CADPS2: variants seen among roughly 807,000 people sequenced by gnomAD.
The protein encoded by CADPS2 is calcium dependent secretion activator 2.
Under a neutral mutation model 172.5 loss-of-function variants are expected in CADPS2, and 93 were observed. The observed-to-expected ratio is 0.54, with a 90% CI of 0.46 to 0.64. The LOEUF (loss-of-function observed/expected upper bound fraction) is 0.64, where lower values mean the gene tolerates loss of function less well. Among genes scored for constraint, CADPS2 ranks in the 30% least tolerant of loss-of-function variants. The probability of loss-of-function intolerance (pLI) is 0.00; values close to 1 mark genes in which losing one functional copy is unlikely to be tolerated. For synonymous variants in CADPS2, 546 were observed against 555.2 expected (o/e 0.98, Z 0.23); for missense variants, 1,420 against 1,565.9 (o/e 0.91, Z 1.57).
At chr7:122,574,650 A>C (rs1210020734) in intron 7 of CADPS2, among the ~76,000 whole-genome samples, 3 of 151,790 alleles carry the variant, frequency 2.0e-5, no homozygotes, top group Non-Finnish European at 4.4e-5. Context: ...AAGAAAAAAA[A>C]AACATATTGG....
intron 5 of CADPS2, among the ~76,000 whole-genome samples, chr7:122,620,613 A>G (rs1219045724): frequency 1.3e-5 from 2 of 152,192 alleles, no homozygotes; most frequent in Non-Finnish European, 2.9e-5. Context: ...GGAGAACACA[A>G]TTTTAAATGT....
In CADPS2 at chr7:122,834,033, G is replaced by A. The variant is rs935602210; in HGVS notation, c.339+51966C>T. Among the ~76,000 whole-genome samples, 11 of 152,190 alleles carry A rather than the reference G, an allele frequency of 7.2e-5. No homozygotes were observed. In the East Asian group the frequency reaches 1.9e-3, roughly 27 times the overall value. ...CTGCAGCCTGGGTGGAAAAAAAGAC[G>A]GACATACAGAAACCAGAGAACAACT... On this transcript the variant is annotated intron_variant, in intron 1 of 29. Transcript: ENST00000449022.
At chr7:122,872,968 A>G (rs1239842903) in intron 1 of CADPS2, among the ~76,000 whole-genome samples, 1 of 152,112 alleles carries the variant, frequency 6.6e-6, no homozygotes, top group Non-Finnish European at 1.5e-5. Flanking sequence ...TAGTAAGCAC[A>G]AACATAAGGA....
intron 2 of CADPS2, among the ~76,000 whole-genome samples, chr7:122,700,907 C>T (rs2085949407): frequency 6.6e-6 from 1 of 152,036 alleles, no homozygotes; most frequent in East Asian, 1.9e-4. Context: ...CTTACATATC[C>T]AAAGTACTAT....
intron 2 of CADPS2, among the ~76,000 whole-genome samples, chr7:122,692,230 C>T (rs1010669944): frequency 6.6e-6 from 1 of 152,096 alleles, no homozygotes; most frequent in Non-Finnish European, 1.5e-5. Flanking sequence ...CGCAACATAG[C>T]GGGGGTGCAG....
chr7:122,386,533 A>G (rs938658014), intron 24 of CADPS2, among the ~76,000 whole-genome samples: 49 of 152,058 alleles, frequency 3.2e-4, no homozygotes, highest in African/African-American at 1.1e-3. Context: ...CAAACAAAAT[A>G]TAAATAAAAT....
intron 17 of CADPS2, among the ~76,000 whole-genome samples, chr7:122,425,182 T>C (rs2048999010): frequency 6.6e-6 from 1 of 151,990 alleles, no homozygotes; most frequent in South Asian, 2.1e-4. Flanking sequence ...GGTCTCACTA[T>C]GTTGCTCAGG....
chr7:122,819,414 G>A (rs1172926596), intron 1 of CADPS2, among the ~76,000 whole-genome samples: 1 of 152,078 alleles, frequency 6.6e-6, no homozygotes, highest in African/African-American at 2.4e-5. Flanking sequence ...CGATCGCCTT[G>A]GAAGCCCCCT....
At chr7:122,692,205 T>C (rs1053314973) in intron 2 of CADPS2, among the ~76,000 whole-genome samples, 1 of 152,120 alleles carries the variant, frequency 6.6e-6, no homozygotes, top group Non-Finnish European at 1.5e-5. Context: ...CTGCCGACAT[T>C]ACTTGCTTGA....
At chr7:122,594,542 T>C (rs2071435880) in intron 6 of CADPS2, among the ~76,000 whole-genome samples, 1 of 152,006 alleles carries the variant, frequency 6.6e-6, no homozygotes, top group Admixed American at 6.6e-5. Flanking sequence ...ATTTCTTTTG[T>C]GAAGTATTCA....
chr7:122,318,834 G>A lies in CADPS2; in HGVS notation c.*1331C>T, dbSNP rs2031817121. On this transcript the variant is annotated 3_prime_UTR_variant, in exon 30 of 30. Transcript: ENST00000449022. Reference sequence around the variant, plus strand: ...TGGGAGAACGAATCTGGAGGTCCAAGTTGTTTCATTTCTAAAGTTTCAGAA... The same window carrying A: ...TGGGAGAACGAATCTGGAGGTCCAAATTGTTTCATTTCTAAAGTTTCAGAA... The A allele has an allele frequency of 6.6e-6, 1 of 152,158 alleles. No individual in the cohort carries two copies. The highest frequency in any genetic ancestry group is 1.5e-5 in the Non-Finnish European group (1 of 68,030). The allele number at this position is 152,158 out of a possible 1,614,324, so 9.4% of individuals were successfully genotyped here.
intron 6 of CADPS2, among the ~76,000 whole-genome samples, chr7:122,608,649 T>G (rs1490569952): frequency 6.6e-6 from 1 of 152,202 alleles, no homozygotes; most frequent in East Asian, 1.9e-4. Context: ...TCTTATTGCT[T>G]CTTGTCTTTT....
In CADPS2 at chr7:122,385,295, A is replaced by ATT. The variant is rs11419565; in HGVS notation, c.3312+1729_3312+1730dup. Among the ~76,000 whole-genome samples the ATT allele has an allele frequency of 5.1e-3, 775 of 151,514 alleles. 7 individuals carry two copies. Among genetic ancestry groups the ATT allele is most frequent in the African/African-American group, 0.018 (737 of 41,304 alleles). ...TTGTATGCTATGGTAATATAAATAC[A>ATT]TTTTTTTTTCTGCTGAATTGCTCAA... On this transcript the variant is annotated intron_variant, in intron 24 of 29. Transcript: ENST00000449022.
chr7:122,701,925 A>G, intron 2 of CADPS2: 1 of 1,613,684 alleles, frequency 6.2e-7, no homozygotes, highest in Non-Finnish European at 8.5e-7. Context: ...AAATGTTTGC[A>G]AGTTAAAATG....
intron 15 of CADPS2, among the ~76,000 whole-genome samples, chr7:122,444,880 C>CAGATTT (rs1367056970): frequency 1.3e-5 from 2 of 152,134 alleles, no homozygotes; most frequent in Admixed American, 1.3e-4. Context: ...CCCAAAGACA[C>CAGATTT]AGATTTTTCA....
At position 122,739,230 on chromosome 7, in the gene CADPS2, T is replaced by A. The variant is rs183574419; in HGVS notation, c.340-2162A>T. Among the ~76,000 whole-genome samples the A allele has an allele frequency of 4.5e-3, 692 of 152,300 alleles. 2 individuals carry two copies. Among genetic ancestry groups the A allele is most frequent in the Non-Finnish European group, 7.9e-3 (539 of 68,014 alleles). On this transcript the variant is annotated intron_variant, in intron 1 of 29. Transcript: ENST00000449022. ...AAGTAAAATAATGGCAATGGAAATGTATGCAAAGAATGACAATGAACTGAA... is the reference window on the plus strand; with the variant it reads ...AAGTAAAATAATGGCAATGGAAATGAATGCAAAGAATGACAATGAACTGAA...
chr7:122,354,685 A>C (rs1443897996), intron 27 of CADPS2, among the ~76,000 whole-genome samples: 1 of 152,004 alleles, frequency 6.6e-6, no homozygotes, highest in Non-Finnish European at 1.5e-5. Flanking sequence ...CCTGCATCTA[A>C]TTTCTGTCAG....
At chr7:122,876,421 G>A (rs1821223977) in intron 1 of CADPS2, among the ~76,000 whole-genome samples, 1 of 152,140 alleles carries the variant, frequency 6.6e-6, no homozygotes, top group South Asian at 2.1e-4. Flanking sequence ...GAGTGCAGTG[G>A]TGCAATCACA....
At chr7:122,619,457 T>C (rs1056603267) in intron 5 of CADPS2, among the ~76,000 whole-genome samples, 1 of 110,580 alleles carries the variant, frequency 9.0e-6, no homozygotes, top group South Asian at 2.7e-4. Context: ...TACTAAAAAA[T>C]ACAAAAAAAA....
Sources: gnomAD v4.1 joint callset for allele counts (sites outside exome capture counted in the v4.1 genomes callset) on GRCh38, gnomAD v4.1.1 for gene constraint, MANE v1.5 for transcripts, NCBI Gene and HGNC (gene_info 2026-07-23, HGNC 2026-07-21) for gene names.